Variants in C14orf39 observed in about 807,000 individuals in gnomAD.
C14orf39 encodes chromosome 14 open reading frame 39, also known as protein SIX6OS1.
In C14orf39, 66 loss-of-function variants were observed where a neutral mutation model predicts 85.6. The observed-to-expected ratio is 0.77, with a 90% CI of 0.63 to 0.95. The LOEUF (loss-of-function observed/expected upper bound fraction) is 0.95. Among genes scored for constraint, C14orf39 ranks in the 40% least tolerant of loss-of-function variants. The pLI is 0.00. For missense variants in C14orf39, 735 were observed against 663.9 expected (o/e 1.11, Z -1.18); for synonymous variants, 242 against 214.0 (o/e 1.13, Z -1.14).
chr14:60,463,453 T>C (rs1191299643), intron 11 of C14orf39, among the ~76,000 whole-genome samples: 1 of 152,122 alleles, frequency 6.6e-6, no homozygotes, highest in Non-Finnish European at 1.5e-5. Context: ...CACCACACTG[T>C]TATAATTACT....
At chr14:60,439,861 G>T (rs1890425197) in intron 17 of C14orf39, among the ~76,000 whole-genome samples, 1 of 152,140 alleles carries the variant, frequency 6.6e-6, no homozygotes, top group African/African-American at 2.4e-5. Context: ...ATCACCTGAG[G>T]TCAGGAATTT....
At chr14:60,455,204 T>C in intron 15 of C14orf39, 59 bp from the exon 16 acceptor site, 5 of 1,188,620 alleles carry the variant, frequency 4.2e-6, no homozygotes, top group Non-Finnish European at 5.9e-6. Context: ...TGAATACTGG[T>C]AAGCATCATA....
At chr14:60,507,930 T>G (rs111969016) in intron 1 of C14orf39, among the ~76,000 whole-genome samples, 1 of 152,108 alleles carries the variant, frequency 6.6e-6, no homozygotes, top group African/African-American at 2.4e-5. Flanking sequence ...CAGGCCCAGA[T>G]GAGATCATGG....
intron 1 of C14orf39, among the ~76,000 whole-genome samples, chr14:60,506,090 C>T (rs1893200020): frequency 6.6e-6 from 1 of 152,158 alleles, no homozygotes; most frequent in Admixed American, 6.5e-5. Context: ...CAAAATGCAA[C>T]TCTAGAGAAA....
chr14:60,501,146 A>C (rs925406916), intron 1 of C14orf39, among the ~76,000 whole-genome samples: 2 of 152,008 alleles, frequency 1.3e-5, no homozygotes, highest in African/African-American at 4.8e-5. Flanking sequence ...TACACACACA[A>C]AAAATTATTA....
chr14:60,456,484 G>T (rs1335061504), intron 15 of C14orf39, among the ~76,000 whole-genome samples: 2 of 149,086 alleles, frequency 1.3e-5, no homozygotes, highest in African/African-American at 2.5e-5. Flanking sequence ...TCAAATTCCT[G>T]GGCTCAAGGG....
At chr14:60,510,879 G>A (rs1163624374) in intron 1 of C14orf39, among the ~76,000 whole-genome samples, 3 of 152,252 alleles carry the variant, frequency 2.0e-5, no homozygotes, top group Admixed American at 6.5e-5. Context: ...GAATCATGGT[G>A]GGGCACAACA....
At chr14:60,509,434 G>A (rs557328634) in intron 1 of C14orf39, 2 of 1,599,720 alleles carry the variant, frequency 1.3e-6, no homozygotes, top group Admixed American at 1.7e-5. Flanking sequence ...TCAGCCCCCA[G>A]CAAGTGGCCG....
chr14:60,482,911 G>GTGTGTGTGA (rs1566681576), intron 4 of C14orf39, among the ~76,000 whole-genome samples: 1 of 58,832 alleles, frequency 1.7e-5, no homozygotes, highest in Non-Finnish European at 5.9e-5. Flanking sequence ...TGTGTGTGTG[G>GTGTGTGTGA]TGTGCATAAT....
intron 17 of C14orf39, among the ~76,000 whole-genome samples, chr14:60,438,062 T>C (rs943229455): frequency 1.3e-5 from 2 of 151,948 alleles, no homozygotes; most frequent in African/African-American, 4.8e-5. Context: ...CAAGTCTTTT[T>C]AAATATCTAT....
chr14:60,494,003 T>C (rs1893030704), intron 2 of C14orf39: 2 of 189,868 alleles, frequency 1.1e-5, no homozygotes, highest in South Asian at 1.1e-4. Context: ...TCATTCACAA[T>C]GAAAAGAGGG....
intron 1 of C14orf39, chr14:60,509,178 T>TGAGCC (rs1555360879): frequency 3.4e-6 from 2 of 580,838 alleles, no homozygotes; most frequent in Non-Finnish European, 3.1e-6. Flanking sequence ...CCGGCGTGCC[T>TGAGCC]GAGCCGAGCC....
At position 60,437,036 on chromosome 14, in the gene C14orf39, C is replaced by A; in HGVS notation, c.1573G>T (p.Glu525Ter). 6.2e-7 allele frequency: 1 copy of A among 1,602,882 alleles called. No homozygotes were observed. The highest frequency in any genetic ancestry group is 8.5e-7 in the Non-Finnish European group (1 of 1,175,932). ...SSEQEIGNLL[E>*]KPEGEDGFTF... ...AAGCCATCTTCTCCTTCTGGCTTCTCAAGTAAGTTTCCTAAGGAAGATAAA... is the reference window on the plus strand; with the variant it reads ...AAGCCATCTTCTCCTTCTGGCTTCTAAAGTAAGTTTCCTAAGGAAGATAAA... The change falls in exon 18 of 18, where the codon GAG (glutamate) becomes TAG (stop). Residue 525 changes from glutamate (E) to a stop codon, truncating the protein, a stop_gained. Transcript: ENST00000321731. LOFTEE classifies it high-confidence loss of function.
In C14orf39 at chr14:60,471,740, C is replaced by A; in HGVS notation, c.324-1G>T. The A allele has an allele frequency of 6.8e-7, 1 of 1,478,542 alleles. No individual in the cohort carries two copies. The highest frequency in any genetic ancestry group is 1.3e-5 in the South Asian group (1 of 79,858). 91.6% of individuals were successfully genotyped at this position (1,478,542 alleles called of 1,614,324 possible). A position where few individuals can be genotyped will look rare whatever the true frequency, so the allele number is the denominator to read the frequency against. The stretch of plus-strand genomic sequence containing the variant: ...ACATATATAATCATGATACATTTCT[C>A]TGTTAAAATTAAAAGAAATGATGTT... On this transcript the variant is annotated splice_acceptor_variant, in intron 5 of 17. Transcript: ENST00000321731. LOFTEE classifies it high-confidence loss of function.
chr14:60,494,939 C>T (rs1160915693), intron 2 of C14orf39: 2 of 157,972 alleles, frequency 1.3e-5, no homozygotes, highest in African/African-American at 2.4e-5. Context: ...TTGCCATTCT[C>T]ACTGGCCATC....
Position 60,469,181 on chromosome 14 carries a change from T to A in C14orf39, c.675+352A>T, listed in dbSNP as rs1026059010. 8.6e-5 allele frequency among the ~76,000 whole-genome samples: 13 copies of A among 151,124 alleles called. No individual in the cohort carries two copies. The East Asian group carries it at 2.3e-3, about 27-fold the overall frequency. On this transcript the variant is annotated intron_variant, in intron 8 of 17. Transcript: ENST00000321731. ...CCTTTTTAAAAAACACTGGCGTAGA[T>A]CTTTTAATGCCTTTAAAATCCTGTT...
rs776883702 is a variant in C14orf39 at position 60,442,123 on chromosome 14, T to C, written c.1512A>G (p.Glu504=). Residue 504 remains glutamate (E), a synonymous_variant, in exon 17 of 18, where the codon GAA becomes GAG. Coordinates refer to ENST00000321731, the MANE Select transcript of C14orf39 (RefSeq NM_174978.3). ...GATTTAGATTTCTTGCAGAATAATG[T>C]TCATTAAACTGGAAAATAATTTCCA... is the stretch of plus-strand genomic sequence containing the variant. ...DTEISSDQFN[E]HYSARNLNPL... The C allele has an allele frequency of 1.2e-5, 19 of 1,600,338 alleles. No homozygotes were observed. Among genetic ancestry groups the C allele is most frequent in the Admixed American group, 1.0e-4 (6 of 59,936 alleles).
At position 60,484,334 on chromosome 14, in the gene C14orf39, CTTTT is replaced by C. The variant is rs1214769095; in HGVS notation, c.107-521_107-518del. Among the ~76,000 whole-genome samples, 1 of 152,010 alleles carries C rather than the reference CTTTT, an allele frequency of 6.6e-6. No individual in the cohort carries two copies. The highest frequency in any genetic ancestry group is 6.5e-5 in the Admixed American group (1 of 15,268). Reference sequence around the variant, plus strand: ...AAATAAATTCTTAATATTCTGTATTCTTTTTTGATTGCAGAAAATATAACCAAAC... The same window carrying C: ...AAATAAATTCTTAATATTCTGTATTCTTGATTGCAGAAAATATAACCAAAC... On this transcript the variant is annotated intron_variant, in intron 3 of 17. Transcript: ENST00000321731. The surrounding 1 kb of genome is among the most constrained non-coding windows in gnomAD (Gnocchi z 4.2).
chr14:60,438,396 C>A (rs886104961), intron 17 of C14orf39, among the ~76,000 whole-genome samples: 1 of 152,012 alleles, frequency 6.6e-6, no homozygotes, highest in Admixed American at 6.6e-5. Context: ...AATGTAAACA[C>A]GGATCCAAAA....
Sources: gnomAD v4.1 joint callset for allele counts (sites outside exome capture counted in the v4.1 genomes callset) on GRCh38, gnomAD v4.1.1 for gene constraint, Gnocchi (gnomAD v3.1) non-coding constraint, MANE v1.5 for transcripts, NCBI Gene and HGNC (gene_info 2026-07-23, HGNC 2026-07-21) for gene names.